The following GABRB3 variants were observed in gnomAD, a reference collection of about 807,000 sequenced individuals.
The protein encoded by GABRB3 is gamma-aminobutyric acid type A receptor subunit beta3, also known as gamma-aminobutyric acid receptor subunit beta-3.
In GABRB3, 14 loss-of-function variants were observed where a neutral mutation model predicts 52.1. That is an observed-to-expected ratio of 0.27 (90% CI 0.18 to 0.42). GABRB3 has a LOEUF of 0.42. Ranked by LOEUF, GABRB3 falls within the 10% of genes least tolerant of loss-of-function variation. The pLI is 1.00. For missense variants in GABRB3, 307 were observed against 609.1 expected, an observed-to-expected ratio of 0.50 and a Z score of 5.22; for synonymous variants, 260 against 232.3, an observed-to-expected ratio of 1.12 and a Z score of -1.08.
At chr15:26,705,217 T>C (rs1043421741) in intron 3 of GABRB3, among the ~76,000 whole-genome samples, 1 of 152,200 alleles carries the variant, frequency 6.6e-6, no homozygotes, top group Non-Finnish European at 1.5e-5. Flanking sequence ...TCCTGCTGTG[T>C]CCTCACATTG....
chr15:26,558,382 A>G (rs1595437991), intron 8 of GABRB3, among the ~76,000 whole-genome samples: 2 of 152,204 alleles, frequency 1.3e-5, no homozygotes, highest in African/African-American at 4.8e-5. Flanking sequence ...CTATGGGCAC[A>G]GGCAGTCCTC....
intron 3 of GABRB3, among the ~76,000 whole-genome samples, chr15:26,744,575 GC>G (rs1194997362): frequency 6.6e-6 from 1 of 151,980 alleles, no homozygotes; most frequent in East Asian, 1.9e-4. Context: ...ACAGATGCCT[GC>G]CACCATGCCT....
At position 26,652,935 on chromosome 15, in the gene GABRB3, A is replaced by C. The variant is rs549753484; in HGVS notation, c.241-31401T>G. The stretch of plus-strand genomic sequence containing the variant: ...TAAAATAAGGATAACACGAGTACAC[A>C]CCTTAGTGGATTGTTTTGAGTACCA... On this transcript the variant is annotated intron_variant, in intron 3 of 8. Transcript: ENST00000311550. Among the ~76,000 whole-genome samples the C allele has an allele frequency of 3.3e-4, 50 of 152,276 alleles. 1 individual carries two copies. The highest frequency in any genetic ancestry group is 6.2e-4 in the South Asian group (3 of 4,828).
intron 4 of GABRB3, among the ~76,000 whole-genome samples, chr15:26,600,861 A>T (rs777774044): frequency 4.6e-5 from 7 of 152,232 alleles, no homozygotes; most frequent in Non-Finnish European, 7.3e-5. Context: ...GATGTGTAAG[A>T]TGTTATCTCT....
intron 4 of GABRB3, among the ~76,000 whole-genome samples, chr15:26,599,029 G>T (rs1040310830): frequency 3.9e-5 from 6 of 152,080 alleles, no homozygotes; most frequent in Non-Finnish European, 7.4e-5. Flanking sequence ...ACATTTTGGA[G>T]AAGTGTGGAA....
chr15:26,732,335 T>TGGATGGAC (rs1889949617), intron 3 of GABRB3, among the ~76,000 whole-genome samples: 2 of 146,220 alleles, frequency 1.4e-5, no homozygotes, highest in South Asian at 2.1e-4. Flanking sequence ...GATGGATGGA[T>TGGATGGAC]GGACGGACAG....
At chr15:26,680,646 T>G (rs1413050047) in intron 3 of GABRB3, among the ~76,000 whole-genome samples, 1 of 152,232 alleles carries the variant, frequency 6.6e-6, no homozygotes, top group Non-Finnish European at 1.5e-5. Context: ...AAAGTTGTGG[T>G]GGTCAGATTG....
chr15:26,683,344 C>A (rs1459242932), intron 3 of GABRB3, among the ~76,000 whole-genome samples: 1 of 144,790 alleles, frequency 6.9e-6, no homozygotes, highest in Non-Finnish European at 1.5e-5. Flanking sequence ...TAGGCACCCA[C>A]CTGGAGTTTC....
chr15:26,767,946 G>C (rs1286845128), intron 3 of GABRB3, among the ~76,000 whole-genome samples: 2 of 152,066 alleles, frequency 1.3e-5, no homozygotes, highest in African/African-American at 4.8e-5. Context: ...ATTTAGTAGT[G>C]ATACAGCTAC....
chr15:26,709,080 T>C (rs1438343635), intron 3 of GABRB3, among the ~76,000 whole-genome samples: 2 of 152,246 alleles, frequency 1.3e-5, no homozygotes, highest in African/African-American at 4.8e-5. Flanking sequence ...GTACAGTTTA[T>C]AGATAAAACA....
chr15:26,742,879 G>C (rs1890245021), intron 3 of GABRB3, among the ~76,000 whole-genome samples: 1 of 145,336 alleles, frequency 6.9e-6, no homozygotes, highest in African/African-American at 2.5e-5. Context: ...GGAATGACTA[G>C]TATCTATACA....
chr15:26,704,768 T>A (rs1014172726), intron 3 of GABRB3, among the ~76,000 whole-genome samples: 1 of 152,164 alleles, frequency 6.6e-6, no homozygotes, highest in African/African-American at 2.4e-5. Context: ...GGGTGACCTT[T>A]CCTCCAGTTT....
chr15:26,702,867 T>A (rs2140683336), intron 3 of GABRB3, among the ~76,000 whole-genome samples: 1 of 152,300 alleles, frequency 6.6e-6, no homozygotes, highest in Admixed American at 6.5e-5. Context: ...ATAAATACCA[T>A]CTCTCAAATA....
chr15:26,615,915 T>C, intron 4 of GABRB3: 7 of 1,281,000 alleles, frequency 5.5e-6, no homozygotes, highest in Non-Finnish European at 7.1e-6. Context: ...GAAAGCAATC[T>C]CTGCTGGGCA....
At chr15:26,607,496 C>T (rs999295597) in intron 4 of GABRB3, among the ~76,000 whole-genome samples, 5 of 151,798 alleles carry the variant, frequency 3.3e-5, no homozygotes, top group African/African-American at 4.8e-5. Context: ...CCTGTGTGCC[C>T]AGGAGTTTGA....
At chr15:26,571,587 G>A (rs1363717664) in intron 6 of GABRB3, among the ~76,000 whole-genome samples, 1 of 152,134 alleles carries the variant, frequency 6.6e-6, no homozygotes, top group African/African-American at 2.4e-5. Flanking sequence ...GTGGGCAGTA[G>A]AAACCACTAT....
intron 6 of GABRB3, 136 bp from the exon 7 acceptor site, chr15:26,567,869 G>C (rs1890237599): frequency 1.3e-6 from 1 of 784,196 alleles, no homozygotes; most frequent in Non-Finnish European, 2.2e-6. Context: ...CAAGCAGTTT[G>C]CTTCTGTCTG....
chr15:26,577,671 C>T (rs958793390), intron 6 of GABRB3, among the ~76,000 whole-genome samples: 7 of 152,182 alleles, frequency 4.6e-5, no homozygotes, highest in East Asian at 1.9e-4. Context: ...CCCCTCGTAA[C>T]GACCTGTAGG....
At chr15:26,742,947 T>TTTA (rs771203717) in intron 3 of GABRB3, among the ~76,000 whole-genome samples, 1 of 104,168 alleles carries the variant, frequency 9.6e-6, no homozygotes, top group African/African-American at 3.2e-5. Context: ...TTTTTTTTTT[T>TTTA]GAGACAGAGT....
Sources: gnomAD v4.1 joint callset for allele counts (sites outside exome capture counted in the v4.1 genomes callset) on GRCh38, gnomAD v4.1.1 for gene constraint, MANE v1.5 for transcripts, NCBI Gene and HGNC (gene_info 2026-07-23, HGNC 2026-07-21) for gene names.